GATAD2A: variants seen among roughly 807,000 people sequenced by gnomAD.
GATAD2A encodes transcriptional repressor p66-alpha.
Under a neutral mutation model 68.5 loss-of-function variants are expected in GATAD2A, and 12 were observed. The observed-to-expected ratio is 0.18, with a 90% CI of 0.11 to 0.28. The LOEUF is 0.28. Among genes scored for constraint, GATAD2A ranks in the 10% least tolerant of loss-of-function variants. The pLI is 1.00. For synonymous variants in GATAD2A, 410 were observed against 375.3 expected (o/e 1.09, Z -1.07); for missense variants, 755 against 868.5 (o/e 0.87, Z 1.64).
At chr19:19,501,906 C>A in intron 9 of GATAD2A, 63 bp from the exon 10 acceptor site, 1 of 1,319,406 alleles carries the variant, frequency 7.6e-7, no homozygotes, top group Non-Finnish European at 1.1e-6. Context: ...GGGGCTCACC[C>A]TCGGTCACCC....
At chr19:19,467,825 T>C (rs1316868582) in intron 2 of GATAD2A, among the ~76,000 whole-genome samples, 1 of 152,248 alleles carries the variant, frequency 6.6e-6, no homozygotes, top group Non-Finnish European at 1.5e-5. Flanking sequence ...GTGTATAGTG[T>C]ACATATTGCT....
intron 10 of GATAD2A, 57 bp downstream of exon 10, chr19:19,502,100 G>C: frequency 7.8e-7 from 1 of 1,283,956 alleles, no homozygotes; most frequent in Non-Finnish European, 1.1e-6. Context: ...CCGTGACCAC[G>C]TCAGTCGCCG....
chr19:19,427,314 G>A (rs547369243), intron 1 of GATAD2A, among the ~76,000 whole-genome samples: 2 of 152,152 alleles, frequency 1.3e-5, no homozygotes, highest in South Asian at 4.1e-4. Flanking sequence ...ATAAAAAAAT[G>A]AACCTTTCTG....
In GATAD2A at chr19:19,506,128, C is replaced by A; in HGVS notation, c.*654C>A. On this transcript the variant is annotated 3_prime_UTR_variant, in exon 12 of 12. Coordinates refer to ENST00000683918, the MANE Select transcript of GATAD2A (RefSeq NM_001384528.1). ...CAGCCCCTGGCAGGGACGGCCGGCC[C>A]GCCCCCGTGACTGACTGACAGATGC... 2.5e-6 allele frequency: 1 copy of A among 398,978 alleles called. No homozygotes were observed. Among genetic ancestry groups the A allele is most frequent in the Non-Finnish European group, 4.4e-6 (1 of 226,042 alleles). 24.7% of individuals were successfully genotyped at this position (398,978 alleles called of 1,614,324 possible). A position where few individuals can be genotyped will look rare whatever the true frequency, so the allele number is the denominator to read the frequency against.
chr19:19,448,927 A>G (rs949792021), intron 1 of GATAD2A, among the ~76,000 whole-genome samples: 1 of 152,156 alleles, frequency 6.6e-6, no homozygotes, highest in African/African-American at 2.4e-5. Flanking sequence ...AAGCTGAGAC[A>G]CAGGGCCGAT....
At chr19:19,466,935 G>T (rs1004167423) in intron 2 of GATAD2A, among the ~76,000 whole-genome samples, 1 of 152,212 alleles carries the variant, frequency 6.6e-6, no homozygotes, top group African/African-American at 2.4e-5. Context: ...GGAAGAGGAG[G>T]AGTCCATGTT....
intron 1 of GATAD2A, among the ~76,000 whole-genome samples, chr19:19,426,161 C>G (rs2053069328): frequency 6.6e-6 from 1 of 152,130 alleles, no homozygotes; most frequent in African/African-American, 2.4e-5. Flanking sequence ...TCTGGAGTTT[C>G]CCTTGTCTAG....
intron 1 of GATAD2A, among the ~76,000 whole-genome samples, chr19:19,444,742 G>A (rs189959696): frequency 1.3e-3 from 201 of 152,074 alleles, no homozygotes; most frequent in Non-Finnish European, 2.4e-3. Context: ...GTGGTGGTGC[G>A]TGCCTTTAGT....
At chr19:19,414,175 G>A (rs1162095077) in intron 1 of GATAD2A, among the ~76,000 whole-genome samples, 1 of 152,180 alleles carries the variant, frequency 6.6e-6, no homozygotes, top group Non-Finnish European at 1.5e-5. Flanking sequence ...TGTAATTGCA[G>A]TCTTATTGTT....
At chr19:19,399,732 T>C (rs1476676002) in intron 1 of GATAD2A, among the ~76,000 whole-genome samples, 1 of 152,094 alleles carries the variant, frequency 6.6e-6, no homozygotes, top group Non-Finnish European at 1.5e-5. Context: ...TTTAAATAAA[T>C]TACGGGCATT....
chr19:19,504,626 A>G (rs952711802), intron 11 of GATAD2A, among the ~76,000 whole-genome samples: 9 of 148,978 alleles, frequency 6.0e-5, no homozygotes, highest in Admixed American at 4.7e-4. Context: ...AGGGTAGGAG[A>G]TAGTTTTTTT....
At chr19:19,501,095 A>T in intron 8 of GATAD2A, 23 bp from the exon 9 acceptor site, 1 of 1,596,414 alleles carries the variant, frequency 6.3e-7, no homozygotes, top group Non-Finnish European at 8.6e-7. Context: ...CTCTGACGTG[A>T]GCCATGTGCT....
At chr19:19,405,612 T>C (rs904309745), upstream of GATAD2A, among the ~76,000 whole-genome samples, 26 of 151,570 alleles carry the variant, frequency 1.7e-4, no homozygotes, top group Admixed American at 1.3e-4. Context: ...GGGCCCGCCT[T>C]CTACGCCTGG....
chr19:19,496,025 C>A, intron 6 of GATAD2A, 27 bp from the exon 7 acceptor site: 1 of 1,609,434 alleles, frequency 6.2e-7, no homozygotes, highest in Non-Finnish European at 8.5e-7. Flanking sequence ...AGTCAGATTT[C>A]TTGTTCTCCC....
At chr19:19,504,595 AAAC>A (rs530459178) in intron 11 of GATAD2A, among the ~76,000 whole-genome samples, 3 of 151,648 alleles carry the variant, frequency 2.0e-5, no homozygotes, top group African/African-American at 7.3e-5. Flanking sequence ...TGAGACCAGT[AAAC>A]AACAACAACA....
At chr19:19,481,840 C>T (rs954836450) in intron 2 of GATAD2A, among the ~76,000 whole-genome samples, 1 of 152,182 alleles carries the variant, frequency 6.6e-6, no homozygotes. Flanking sequence ...CAGTGGCTCA[C>T]GCCTGTTACA....
chr19:19,397,901 A>G (rs995039581), intron 1 of GATAD2A, among the ~76,000 whole-genome samples: 14 of 152,042 alleles, frequency 9.2e-5, no homozygotes, highest in Non-Finnish European at 1.8e-4. Context: ...TTATTTAGTT[A>G]GTTAGTTAGT....
rs542158531 is a variant in GATAD2A at position 19,505,852 on chromosome 19, G to A, written c.*378G>A. ...CGGCTCACCCTGGACACTGTGATGC[G>A]CATGGGCAAGGCCAGCGCCCGGGGC... On this transcript the variant is annotated 3_prime_UTR_variant, in exon 12 of 12. Transcript: ENST00000683918. 9 of 405,148 alleles carry A rather than the reference G, an allele frequency of 2.2e-5. No homozygotes were observed. In the South Asian group the frequency reaches 6.0e-4, roughly 27 times the overall value. 25.1% of individuals were successfully genotyped at this position (405,148 alleles called of 1,614,324 possible).
At chr19:19,427,431 T>TGCTG (rs2053226988) in intron 1 of GATAD2A, 1 of 138,476 alleles carries the variant, frequency 7.2e-6, no homozygotes, top group Non-Finnish European at 1.5e-5. Context: ...TAGCTTGTGC[T>TGCTG]AAGTACTGGG....
Sources: allele counts gnomAD v4.1 joint callset (sites outside exome capture counted in the v4.1 genomes callset), GRCh38; gene constraint gnomAD v4.1.1; transcripts MANE v1.5; gene names NCBI Gene and HGNC (gene_info 2026-07-23, HGNC 2026-07-21).